The following CELF2 variants were observed in gnomAD, a reference collection of about 807,000 sequenced individuals.
The protein encoded by CELF2 is CUGBP Elav-like family member 2.
CELF2 carries 8 observed loss-of-function variants against 62.6 expected under a neutral mutation model. The ratio of observed to expected loss-of-function variants is 0.13; its 90% CI spans 0.07 to 0.23. The LOEUF (loss-of-function observed/expected upper bound fraction) is 0.23, where lower values mean the gene tolerates loss of function less well. Ranked by LOEUF, CELF2 falls within the 10% of genes least tolerant of loss-of-function variation. The pLI is 1.00. For synonymous variants in CELF2, 258 were observed against 250.0 expected (o/e 1.03, Z -0.30); for missense variants, 333 against 671.0 (o/e 0.50, Z 5.56).
At chr10:11,213,181 TGTCCCCTCTGA>T (rs547749188) in intron 2 of CELF2, among the ~76,000 whole-genome samples, 363 of 152,328 alleles carry the variant, frequency 2.4e-3, no homozygotes, top group Admixed American at 6.9e-3. Context: ...CCCAAGGGAC[TGTCCCCTCTGA>T]TGCATGGTGC....
chr10:10,745,806 C>G, the CELF2 span, among the ~76,000 whole-genome samples: 2 of 152,182 alleles, frequency 1.3e-5, no homozygotes, highest in African/African-American at 4.8e-5. Flanking sequence ...GTCATATCAC[C>G]GTTGGGAATT....
chr10:11,170,006 A>G (rs2068345464), intron 2 of CELF2, among the ~76,000 whole-genome samples: 1 of 152,222 alleles, frequency 6.6e-6, no homozygotes, highest in South Asian at 2.1e-4. Context: ...GGAGGACCCA[A>G]GAGTATTTCA....
the CELF2 span, among the ~76,000 whole-genome samples, chr10:10,749,208 C>G: frequency 1.3e-5 from 2 of 152,022 alleles, no homozygotes; most frequent in African/African-American, 2.4e-5. Context: ...TATTGTTGTA[C>G]TGTTATAGAA....
the CELF2 span, among the ~76,000 whole-genome samples, chr10:10,690,822 G>A: frequency 2.0e-5 from 3 of 152,278 alleles, no homozygotes; most frequent in African/African-American, 7.2e-5. Context: ...AGAGGTTGCA[G>A]TGAGCCTAGA....
In CELF2 at chr10:11,054,863, C is replaced by T. The variant is rs996209255; in HGVS notation, c.74+36700C>T. On this transcript the variant is annotated intron_variant, in intron 1 of 12. Transcript: ENST00000633077. ...CTGAGTAGCTGGGATTACAGGCGGC[C>T]GCCACCAATCCCAGCTACTTATTGT... Among the ~76,000 whole-genome samples, 18 of 152,132 alleles carry T rather than the reference C, an allele frequency of 1.2e-4. 1 individual carries two copies. Among genetic ancestry groups the T allele is most frequent in the East Asian group, 9.7e-4 (5 of 5,164 alleles).
At position 11,214,904 on chromosome 10, in the gene CELF2, A is replaced by G. The variant is rs2062902814; in HGVS notation, c.272-2521A>G. The stretch of plus-strand genomic sequence containing the variant: ...CTAGAAAGTATTTGAGATCTTGGGG[A>G]TCTTCCCATCTCCCCTTCTGTATGT... On this transcript the variant is annotated intron_variant, in intron 2 of 12. Transcript: ENST00000633077. This position sits in a 1 kb window ranked among gnomAD's most constrained non-coding sequence, Gnocchi z 4.2. Among the ~76,000 whole-genome samples, 1 of 152,098 alleles carries G rather than the reference A, an allele frequency of 6.6e-6. No individual in the cohort carries two copies. Among genetic ancestry groups the G allele is most frequent in the South Asian group, 2.1e-4 (1 of 4,824 alleles).
chr10:10,889,014 G>A (rs1286757030), intron 1 of CELF2, among the ~76,000 whole-genome samples: 1 of 152,142 alleles, frequency 6.6e-6, no homozygotes, highest in Non-Finnish European at 1.5e-5. Flanking sequence ...CCAGAGAAGG[G>A]ACACCAACCA....
Position 11,165,124 on chromosome 10 carries a change from G to T in CELF2, c.75-362G>T. On this transcript the variant is annotated intron_variant, in intron 1 of 12. Transcript: ENST00000633077. The surrounding 1 kb of genome is among the most constrained non-coding windows in gnomAD (Gnocchi z 7.4). ...TTCTTTCCCAGCCACAGCCAGGGTA[G>T]GGCTGATAAGGCGCTGATGCGTTGA... 1.9e-6 allele frequency: 2 copies of T among 1,042,382 alleles called. No homozygotes were observed. Among genetic ancestry groups the T allele is most frequent in the Non-Finnish European group, 2.3e-6 (2 of 864,948 alleles). The allele number at this position is 1,042,382 out of a possible 1,614,324, so 64.6% of individuals were successfully genotyped here. A position where few individuals can be genotyped will look rare whatever the true frequency, so the allele number is the denominator to read the frequency against.
At chr10:10,930,717 C>T (rs1170227174) in intron 2 of CELF2, among the ~76,000 whole-genome samples, 1 of 152,170 alleles carries the variant, frequency 6.6e-6, no homozygotes, top group African/African-American at 2.4e-5. Flanking sequence ...AAAAGTTGCT[C>T]GTCCCTTGGG....
chr10:11,155,802 G>A (rs901789620), intron 1 of CELF2, among the ~76,000 whole-genome samples: 2 of 152,144 alleles, frequency 1.3e-5, no homozygotes, highest in African/African-American at 4.8e-5. Context: ...TTAATCTCAA[G>A]TGCGTTCACA....
At chr10:10,490,456 C>A in the CELF2 span, among the ~76,000 whole-genome samples, 1 of 152,000 alleles carries the variant, frequency 6.6e-6, no homozygotes, top group Non-Finnish European at 1.5e-5. Context: ...ATATTCACTG[C>A]AGAGTCAAAC....
At chr10:10,749,252 C>T in the CELF2 span, among the ~76,000 whole-genome samples, 1 of 152,092 alleles carries the variant, frequency 6.6e-6, no homozygotes, top group African/African-American at 2.4e-5. Flanking sequence ...GATATTTGGG[C>T]TGGATATAAA....
chr10:10,717,987 T>C, the CELF2 span, among the ~76,000 whole-genome samples: 1 of 152,196 alleles, frequency 6.6e-6, no homozygotes, highest in Non-Finnish European at 1.5e-5. Context: ...ATTAATGATC[T>C]GTAATTGTTT....
chr10:10,855,470 G>T (rs1211135163), intron 1 of CELF2, among the ~76,000 whole-genome samples: 3 of 152,218 alleles, frequency 2.0e-5, no homozygotes, highest in Admixed American at 2.0e-4. Flanking sequence ...ACAGTGCCCT[G>T]TCACCAAAGG....
Position 11,309,220 on chromosome 10 carries a change from A to G in CELF2, c.977-4919A>G, listed in dbSNP as rs1304506000. Among the ~76,000 whole-genome samples, 1 of 152,216 alleles carries G rather than the reference A, an allele frequency of 6.6e-6. No individual in the cohort carries two copies. The highest frequency in any genetic ancestry group is 1.5e-5 in the Non-Finnish European group (1 of 68,036). On this transcript the variant is annotated intron_variant, in intron 9 of 12. Coordinates refer to ENST00000633077, the MANE Select transcript of CELF2 (RefSeq NM_001326342.2). This position sits in a 1 kb window ranked among gnomAD's most constrained non-coding sequence, Gnocchi z 5.6. Reference sequence around the variant, plus strand: ...CATATATCATAGCTTTCTATTAACAACAGGACATTGTAGATGTTACAGCAC... The same window carrying G: ...CATATATCATAGCTTTCTATTAACAGCAGGACATTGTAGATGTTACAGCAC...
intron 1 of CELF2, among the ~76,000 whole-genome samples, chr10:10,851,281 C>T (rs111498539): frequency 0.015 from 2,346 of 152,240 alleles, 75 homozygotes; most frequent in African/African-American, 0.054. Flanking sequence ...GCATTTATCC[C>T]AGAGAAATGA....
At chr10:10,662,264 T>A in the CELF2 span, among the ~76,000 whole-genome samples, 1 of 152,194 alleles carries the variant, frequency 6.6e-6, no homozygotes, top group South Asian at 2.1e-4. Context: ...AGAAATGCAC[T>A]CAGACTTCAT....
chr10:11,077,403 T>C (rs2072354718), intron 1 of CELF2, among the ~76,000 whole-genome samples: 1 of 152,222 alleles, frequency 6.6e-6, no homozygotes, highest in Non-Finnish European at 1.5e-5. Context: ...TCAGTTCTGA[T>C]GAGTCCAGTA....
chr10:11,052,674 C>T (rs763536930), intron 1 of CELF2, among the ~76,000 whole-genome samples: 5 of 152,214 alleles, frequency 3.3e-5, no homozygotes, highest in Non-Finnish European at 5.9e-5. Context: ...ATTTCTCTGA[C>T]GGTAACCTTG....
Sources: gnomAD v4.1 joint callset for allele counts (sites outside exome capture counted in the v4.1 genomes callset) on GRCh38, gnomAD v4.1.1 for gene constraint, Gnocchi (gnomAD v3.1) non-coding constraint, MANE v1.5 for transcripts, NCBI Gene and HGNC (gene_info 2026-07-23, HGNC 2026-07-21) for gene names.